Variants in SAMD5 observed in about 807,000 individuals in gnomAD.
The protein encoded by SAMD5 is sterile alpha motif domain containing 5, also known as sterile alpha motif domain-containing protein 5.
A neutral mutation model predicts 11.3 loss-of-function variants in SAMD5; 13 were observed. That is an observed-to-expected ratio of 1.15 (90% CI 0.75 to 1.83). The LOEUF (loss-of-function observed/expected upper bound fraction) is 1.83. Ranked by LOEUF, SAMD5 falls within the 40% of genes most tolerant of loss-of-function variation. The pLI is 0.00. For missense variants in SAMD5, 255 were observed against 239.1 expected, an observed-to-expected ratio of 1.07 and a Z score of -0.44; for synonymous variants, 129 against 111.3, an observed-to-expected ratio of 1.16 and a Z score of -1.00.
downstream of SAMD5, among the ~76,000 whole-genome samples, chr6:147,570,223 G>A (rs537266448): frequency 6.6e-5 from 10 of 152,272 alleles, no homozygotes; most frequent in South Asian, 2.1e-3. Flanking sequence ...CTTACGAGCT[G>A]GGATCCTTTG....
chr6:147,952,440 T>C, the SAMD5 span, among the ~76,000 whole-genome samples: 2 of 152,250 alleles, frequency 1.3e-5, no homozygotes, highest in Admixed American at 6.5e-5. Flanking sequence ...TTGAACATAC[T>C]ATCAAGGTAT....
intron 1 of SAMD5, among the ~76,000 whole-genome samples, chr6:147,593,839 C>A (rs936272061): frequency 2.6e-5 from 4 of 152,080 alleles, no homozygotes; most frequent in Non-Finnish European, 5.9e-5. Context: ...AATAAAAAAG[C>A]AACAGGCAGC....
rs761763610 is a variant in SAMD5 at position 147,565,755 on chromosome 6, C to T, written c.*1299C>T. ...GATTACAGGCGTGAGCCATCACACC[C>T]GGCCTGGATGCTGGTAGTTTTATTT... is the stretch of plus-strand genomic sequence containing the variant. On this transcript the variant is annotated 3_prime_UTR_variant, in exon 2 of 2. Coordinates refer to ENST00000367474, the MANE Select transcript of SAMD5 (RefSeq NM_001030060.3). 1.6e-5 allele frequency: 16 copies of T among 985,012 alleles called. No individual in the cohort carries two copies. The South Asian group carries it at 2.4e-4, about 14-fold the overall frequency. The allele number at this position is 985,012 out of a possible 1,614,324, so 61.0% of individuals were successfully genotyped here. A position where few individuals can be genotyped will look rare whatever the true frequency, so the allele number is the denominator to read the frequency against.
chr6:147,834,455 C>T, the SAMD5 span, among the ~76,000 whole-genome samples: 9 of 152,254 alleles, frequency 5.9e-5, no homozygotes, highest in South Asian at 1.0e-3. Flanking sequence ...ATAGACTAGT[C>T]TTTGGATGAG....
chr6:147,534,590 C>T (rs996221384), intron 1 of SAMD5, among the ~76,000 whole-genome samples: 7 of 152,190 alleles, frequency 4.6e-5, no homozygotes, highest in East Asian at 1.9e-4. Context: ...GTGGGAGGGG[C>T]GACGCCAGTG....
chr6:147,898,988 G>A, the SAMD5 span, among the ~76,000 whole-genome samples: 1 of 151,548 alleles, frequency 6.6e-6, no homozygotes, highest in Non-Finnish European at 1.5e-5. Flanking sequence ...AGACCATCCT[G>A]GCTAACATGG....
At chr6:147,731,388 G>A (rs1211116126) in intron 1 of SAMD5, among the ~76,000 whole-genome samples, 1 of 152,140 alleles carries the variant, frequency 6.6e-6, no homozygotes, top group Non-Finnish European at 1.5e-5. Flanking sequence ...ATATAGAAAT[G>A]CTTCTGTATT....
intron 1 of SAMD5, among the ~76,000 whole-genome samples, chr6:147,644,954 G>A (rs1009003243): frequency 1.3e-5 from 2 of 152,156 alleles, no homozygotes; most frequent in African/African-American, 4.8e-5. Flanking sequence ...AAGCATACTG[G>A]TTGTGGTTTG....
At chr6:147,771,645 C>G in the SAMD5 span, among the ~76,000 whole-genome samples, 31 of 152,108 alleles carry the variant, frequency 2.0e-4, no homozygotes, top group African/African-American at 7.2e-4. Context: ...TTTTGACAGG[C>G]TTCAGTCAAA....
the SAMD5 span, chr6:147,953,844 T>G: frequency 6.6e-6 from 1 of 152,240 alleles, no homozygotes; most frequent in Admixed American, 6.5e-5. Context: ...TGCTGGTTGA[T>G]GTACCAAGGA....
rs373414269 is a variant in SAMD5, at chr6:147,666,593, A to G, written c.163-70724A>G. On this transcript the variant is annotated intron_variant, in intron 1 of 1. Coordinates refer to the SAMD5 transcript ENST00000566741. ...TCCCCTGGCAGCCTCAGCAAGCCACACTCTTCCTCTCTATCTGAAGGGAGA... is the reference window on the plus strand; with the variant it reads ...TCCCCTGGCAGCCTCAGCAAGCCACGCTCTTCCTCTCTATCTGAAGGGAGA... Among the ~76,000 whole-genome samples, 8 of 152,026 alleles carry G rather than the reference A, an allele frequency of 5.3e-5. No individual in the cohort carries two copies. The East Asian group carries it at 1.4e-3, about 26-fold the overall frequency.
At chr6:147,722,553 G>T (rs1791570807) in intron 1 of SAMD5, among the ~76,000 whole-genome samples, 1 of 152,130 alleles carries the variant, frequency 6.6e-6, no homozygotes, top group South Asian at 2.1e-4. Context: ...AGGCAGAAAT[G>T]ATTGTTCATT....
At chr6:147,557,724 G>A (rs1788880718) in intron 1 of SAMD5, among the ~76,000 whole-genome samples, 1 of 152,196 alleles carries the variant, frequency 6.6e-6, no homozygotes, top group Non-Finnish European at 1.5e-5. Flanking sequence ...GGTTCCAGGT[G>A]GATGTGAATT....
the SAMD5 span, among the ~76,000 whole-genome samples, chr6:147,755,226 A>G: frequency 1.3e-5 from 2 of 151,786 alleles, no homozygotes; most frequent in African/African-American, 4.8e-5. Flanking sequence ...TGTTCTCTTC[A>G]ATTTCTTTCA....
At chr6:147,675,735 G>T (rs559679592) in intron 1 of SAMD5, among the ~76,000 whole-genome samples, 12 of 152,218 alleles carry the variant, frequency 7.9e-5, no homozygotes, top group African/African-American at 2.9e-4. Flanking sequence ...TAGATTTTAG[G>T]ATGTTTTTTG....
chr6:147,755,267 C>T, the SAMD5 span, among the ~76,000 whole-genome samples: 1 of 152,040 alleles, frequency 6.6e-6, no homozygotes, highest in Admixed American at 6.6e-5. Context: ...TTATAGAGAT[C>T]TTCCACTTCT....
chr6:147,920,419 G>C, the SAMD5 span, among the ~76,000 whole-genome samples: 3 of 152,262 alleles, frequency 2.0e-5, no homozygotes, highest in East Asian at 5.8e-4. Context: ...AGGCTGCACT[G>C]TCAGCTTCCC....
intron 1 of SAMD5, among the ~76,000 whole-genome samples, chr6:147,528,243 TG>T (rs1454931702): frequency 2.0e-5 from 3 of 152,318 alleles, no homozygotes; most frequent in Admixed American, 2.0e-4. Context: ...TGTATTAGTT[TG>T]CTATGCCTGC....
chr6:147,558,899 C>T (rs7768000), intron 1 of SAMD5, among the ~76,000 whole-genome samples: 2,827 of 152,282 alleles, frequency 0.019, 52 homozygotes, highest in South Asian at 0.049. Flanking sequence ...TTCCACTCCG[C>T]CTGAAAATAT....
Sources: gnomAD v4.1 joint callset for allele counts (sites outside exome capture counted in the v4.1 genomes callset) on GRCh38, gnomAD v4.1.1 for gene constraint, MANE v1.5 for transcripts, NCBI Gene and HGNC (gene_info 2026-07-23, HGNC 2026-07-21) for gene names.